The following PCDHA7 variants were observed in gnomAD, a reference collection of about 807,000 sequenced individuals.
The protein encoded by PCDHA7 is protocadherin alpha 7, also known as protocadherin alpha-7.
PCDHA7 carries 37 observed loss-of-function variants against 57.2 expected under a neutral mutation model. That is an observed-to-expected ratio of 0.65 (90% CI 0.50 to 0.85). PCDHA7 has a LOEUF of 0.85. Among genes scored for constraint, PCDHA7 ranks in the 40% least tolerant of loss-of-function variants. PCDHA7 has a pLI of 0.00. For synonymous variants in PCDHA7, 553 were observed against 558.8 expected, an observed-to-expected ratio of 0.99 and a Z score of 0.15; for missense variants, 1,188 against 1,241.8, an observed-to-expected ratio of 0.96 and a Z score of 0.65.
chr5:140,989,085 C>T (rs1481898269), intron 3 of PCDHA7: 7 of 152,258 alleles, frequency 4.6e-5, no homozygotes, highest in Non-Finnish European at 7.4e-5. Context: ...CTCTGAAAAC[C>T]TTGTCAGGAG....
intron 1 of PCDHA7, among the ~76,000 whole-genome samples, chr5:140,908,751 C>T (rs1302522906): frequency 6.6e-6 from 1 of 152,170 alleles, no homozygotes; most frequent in Non-Finnish European, 1.5e-5. Context: ...GCAACTTGCA[C>T]ACAGCCTGGA....
At chr5:140,844,954 C>T (rs1258176227) in intron 1 of PCDHA7, among the ~76,000 whole-genome samples, 1 of 149,088 alleles carries the variant, frequency 6.7e-6, no homozygotes, top group African/African-American at 2.5e-5. Flanking sequence ...ACTCTGAATT[C>T]TTACAGTTTG....
At chr5:141,008,435 G>C (rs2098377041) in intron 3 of PCDHA7, among the ~76,000 whole-genome samples, 1 of 152,160 alleles carries the variant, frequency 6.6e-6, no homozygotes, top group South Asian at 2.1e-4. Context: ...ACTTTGCCCA[G>C]ACAGACCATT....
chr5:140,947,645 A>G (rs1373528004), intron 1 of PCDHA7, among the ~76,000 whole-genome samples: 2 of 151,670 alleles, frequency 1.3e-5, no homozygotes, highest in African/African-American at 2.4e-5. Flanking sequence ...GTATGAACAT[A>G]TATACCTCCA....
intron 1 of PCDHA7, among the ~76,000 whole-genome samples, chr5:140,903,632 C>T (rs1554191062): frequency 6.6e-6 from 1 of 152,134 alleles, no homozygotes. Context: ...CATATGTATG[C>T]ATATACCATA....
chr5:140,970,912 T>C (rs1035265875), intron 1 of PCDHA7, among the ~76,000 whole-genome samples: 3 of 152,212 alleles, frequency 2.0e-5, no homozygotes, highest in Non-Finnish European at 2.9e-5. Flanking sequence ...TTTATTCATT[T>C]ATCAGAAGTG....
intron 1 of PCDHA7, chr5:140,966,946 C>T: frequency 6.2e-7 from 1 of 1,603,486 alleles, no homozygotes; most frequent in Non-Finnish European, 8.5e-7. Flanking sequence ...TCGTGGGCAA[C>T]GTGGCTCGCG....
chr5:140,877,377 C>T (rs575601254), intron 1 of PCDHA7: 2 of 1,614,008 alleles, frequency 1.2e-6, no homozygotes, highest in Non-Finnish European at 1.7e-6. Context: ...GCACGACACG[C>T]ATCCTGGATG....
At chr5:140,861,589 T>C in intron 1 of PCDHA7, 2 of 373,158 alleles carry the variant, frequency 5.4e-6, no homozygotes, top group South Asian at 4.9e-5. Context: ...CATGTGGAGG[T>C]GAAAGTGAAG....
intron 1 of PCDHA7, among the ~76,000 whole-genome samples, chr5:140,898,222 T>G (rs1373386970): frequency 1.3e-5 from 2 of 152,230 alleles, no homozygotes; most frequent in Non-Finnish European, 2.9e-5. Flanking sequence ...TTTTGGCTTT[T>G]GTTGCCATTG....
intron 1 of PCDHA7, chr5:140,967,123 C>A (rs1554229191): frequency 4.3e-6 from 7 of 1,612,606 alleles, no homozygotes; most frequent in African/African-American, 2.7e-5. Context: ...GCTGCCTGCT[C>A]AGCTTGGAAG....
Position 140,834,910 on chromosome 5 carries a change from A to G in PCDHA7, c.527A>G (p.Glu176Gly), listed in dbSNP as rs1379120626. 6.3e-7 allele frequency: 1 copy of G among 1,595,988 alleles called. No homozygotes were observed. The highest frequency in any genetic ancestry group is 8.5e-7 in the Non-Finnish European group (1 of 1,171,208). ...ALLTYRLSPNEYFFLDVPTSN... is the reference protein window; with the variant it reads ...ALLTYRLSPNGYFFLDVPTSN... The stretch of plus-strand genomic sequence containing the variant: ...CTCACTTACAGACTGAGCCCCAATG[A>G]GTATTTCTTCCTGGACGTGCCAACC... Residue 176 changes from glutamate to glycine, a missense_variant, in exon 1 of 4, where the codon GAG (glutamate) becomes GGG (glycine). Physicochemically the swap from Glu to Gly is moderately conservative, Grantham distance 98. This residue lies in a region of PCDHA7 where 102 missense variants were observed against 267.4 expected (regional missense o/e 0.38). Transcript: ENST00000525929.
intron 1 of PCDHA7, chr5:140,929,420 C>A: frequency 6.7e-7 from 1 of 1,502,700 alleles, no homozygotes; most frequent in Non-Finnish European, 8.9e-7. Context: ...CACAACATTT[C>A]ATCAATTGAA....
chr5:140,907,083 G>T (rs770380704), intron 1 of PCDHA7, among the ~76,000 whole-genome samples: 56 of 152,144 alleles, frequency 3.7e-4, no homozygotes, highest in Non-Finnish European at 7.1e-4. Context: ...AGGGGTGATG[G>T]TAAGTGGTGC....
rs182070121 is a variant in PCDHA7, at chr5:140,953,927, G to A, written c.2356-25022G>A. On this transcript the variant is annotated intron_variant, in intron 1 of 3. Coordinates refer to ENST00000525929, the MANE Select transcript of PCDHA7 (RefSeq NM_018910.3). ...GCATCCATTAGGTATTCTTCCTGAT[G>A]CTCTCCCTCCCATTGCTCCCCCAAC... Among the ~76,000 whole-genome samples the A allele has an allele frequency of 2.1e-3, 313 of 152,142 alleles. 1 individual carries two copies. The highest frequency in any genetic ancestry group is 7.1e-3 in the African/African-American group (295 of 41,500).
chr5:140,888,077 A>T (rs575248983), intron 1 of PCDHA7, among the ~76,000 whole-genome samples: 2 of 152,238 alleles, frequency 1.3e-5, no homozygotes, highest in African/African-American at 4.8e-5. Flanking sequence ...TGCTAATTTC[A>T]ACATTTTTGT....
chr5:140,884,803 C>T, intron 1 of PCDHA7: 1 of 1,225,142 alleles, frequency 8.2e-7, no homozygotes, highest in Non-Finnish European at 1.1e-6. Context: ...AATTTAACAA[C>T]TCTGCTGTGG....
chr5:140,884,478 C>G, intron 1 of PCDHA7: 1 of 1,613,916 alleles, frequency 6.2e-7, no homozygotes, highest in African/African-American at 1.3e-5. Context: ...CCGGGCAAGC[C>G]CACTCTAGTG....
chr5:140,854,948 T>C (rs1417243571), intron 1 of PCDHA7, among the ~76,000 whole-genome samples: 4 of 150,034 alleles, frequency 2.7e-5, no homozygotes, highest in Middle Eastern at 3.5e-3. Flanking sequence ...AATAATAAAT[T>C]TCTTAATTAC....
Sources: allele counts gnomAD v4.1 joint callset (sites outside exome capture counted in the v4.1 genomes callset), GRCh38; gene constraint gnomAD v4.1.1; regional missense constraint gnomAD v4.1.1; transcripts MANE v1.5; gene names NCBI Gene and HGNC (gene_info 2026-07-23, HGNC 2026-07-21).